The following RAF1 variants were observed in gnomAD, a reference collection of about 807,000 sequenced individuals.
RAF1 encodes the protein Raf-1 proto-oncogene, serine/threonine kinase.
RAF1 carries 27 observed loss-of-function variants against 81.1 expected under a neutral mutation model. That is an observed-to-expected ratio of 0.33 (90% CI 0.25 to 0.46). RAF1 has a LOEUF of 0.46. Among genes scored for constraint, RAF1 ranks in the 20% least tolerant of loss-of-function variants. RAF1 has a pLI of 1.00. For missense variants in RAF1, 598 were observed against 826.0 expected (o/e 0.72, Z 3.38); for synonymous variants, 298 against 294.0 (o/e 1.01, Z -0.14).
intron 15 of RAF1, 39 bp from the exon 15 acceptor site, chr3:12,585,292 C>T (rs1559399956): frequency 6.2e-7 from 1 of 1,612,412 alleles, no homozygotes; most frequent in Non-Finnish European, 8.5e-7. Flanking sequence ...CATTTATCAC[C>T]ATATGACAGG....
intron 11 of RAF1, 107 bp from the exon 11 acceptor site, chr3:12,591,899 A>C: frequency 1.1e-6 from 1 of 893,574 alleles, no homozygotes; most frequent in Non-Finnish European, 1.8e-6. Flanking sequence ...AGAATCACAT[A>C]CCTACACAGA....
At chr3:12,622,679 C>T (rs1410228242) in intron 1 of RAF1, among the ~76,000 whole-genome samples, 1 of 152,202 alleles carries the variant, frequency 6.6e-6, no homozygotes, top group African/African-American at 2.4e-5. Flanking sequence ...CCCTACCTTC[C>T]TTCTGCTCCA....
chr3:12,600,176 AGATACT>A lies in RAF1; in HGVS notation c.1020_1025del (p.Val341_Ser342del). The A allele has an allele frequency of 6.2e-7, 1 of 1,614,166 alleles. No individual in the cohort carries two copies. The highest frequency in any genetic ancestry group is 1.1e-5 in the South Asian group (1 of 91,090). On this transcript the variant is annotated inframe_deletion, in exon 10 of 18. Transcript: ENST00000442415. ...CAATTTTGTTTTTCTCCTGGGTCCC[AGATACT>A]GGTGCCCGCTCTCTTTGTGCTGGCA...
intron 1 of RAF1, among the ~76,000 whole-genome samples, chr3:12,626,578 G>A (rs557764503): frequency 8.6e-5 from 12 of 140,050 alleles, no homozygotes; most frequent in Admixed American, 6.2e-4. Flanking sequence ...GCGACAGACC[G>A]AGACCTTGTC....
At chr3:12,639,141 T>C (rs1404421064) in intron 1 of RAF1, among the ~76,000 whole-genome samples, 1 of 152,188 alleles carries the variant, frequency 6.6e-6, no homozygotes, top group East Asian at 1.9e-4. Flanking sequence ...TCTCAATAGA[T>C]GCAGAAAAGG....
intron 12 of RAF1, 100 bp downstream of exon 11, chr3:12,591,604 ACTGC>A: frequency 6.1e-6 from 6 of 984,302 alleles, no homozygotes; most frequent in Non-Finnish European, 9.7e-6. Flanking sequence ...GTGAGTCCTA[ACTGC>A]CTGCCCGTCC....
intron 15 of RAF1, 138 bp from the exon 15 acceptor site, chr3:12,585,391 G>A: frequency 6.5e-7 from 1 of 1,538,690 alleles, no homozygotes; most frequent in Non-Finnish European, 8.7e-7. Flanking sequence ...TCCCCCAAAG[G>A]ACTCCAACTC....
In RAF1 at chr3:12,608,850, T is replaced by G; in HGVS notation, c.497A>C (p.Gln166Pro). 1 of 1,614,212 alleles carries G rather than the reference T, an allele frequency of 6.2e-7. No individual in the cohort carries two copies. The highest frequency in any genetic ancestry group is 8.5e-7 in the Non-Finnish European group (1 of 1,180,022). The change falls in exon 5 of 18, where the codon CAG becomes CCG. Residue 166 changes from glutamine to proline, a missense_variant. Coordinates refer to ENST00000442415, the MANE Select transcript of RAF1 (RefSeq NM_001354689.3). ...CTCATGAAATTTGTAGCCACAAGTC[T>G]GACATCGAAATCCATTGAGCAGGAA...
intron 1 of RAF1, among the ~76,000 whole-genome samples, chr3:12,635,671 G>GA (rs1481940067): frequency 7.3e-6 from 1 of 136,282 alleles, no homozygotes; most frequent in Non-Finnish European, 1.5e-5. Flanking sequence ...GAGAGAGAGA[G>GA]ATTACTTTAT....
chr3:12,640,591 A>C (rs1321891226), intron 1 of RAF1, among the ~76,000 whole-genome samples: 4 of 152,228 alleles, frequency 2.6e-5, no homozygotes, highest in African/African-American at 9.6e-5. Flanking sequence ...AAAGACATTC[A>C]TGCAGACAAC....
chr3:12,647,808 C>A (rs1229288682), intron 1 of RAF1, among the ~76,000 whole-genome samples: 1 of 152,154 alleles, frequency 6.6e-6, no homozygotes, highest in African/African-American at 2.4e-5. Flanking sequence ...CAATTTCTGA[C>A]CACAAACTGG....
Position 12,584,244 on chromosome 3 carries a change from T to C in RAF1, c.*270A>G. ...TTTTTGTACTACCATCAACATCCAC[T>C]TGCGCATCTACAGAAGGCTGGGCCT... On this transcript the variant is annotated 3_prime_UTR_variant, in exon 18 of 18. Transcript: ENST00000442415. 2.0e-6 allele frequency: 1 copy of C among 511,106 alleles called. No individual in the cohort carries two copies. The highest frequency in any genetic ancestry group is 3.2e-5 in the Admixed American group (1 of 31,218). The allele number at this position is 511,106 out of a possible 1,614,324, so 31.7% of individuals were successfully genotyped here. A position where few individuals can be genotyped will look rare whatever the true frequency, so the allele number is the denominator to read the frequency against.
chr3:12,605,280 G>GTGTGTA (rs2058991056), intron 6 of RAF1, among the ~76,000 whole-genome samples: 1 of 151,540 alleles, frequency 6.6e-6, no homozygotes, highest in African/African-American at 2.4e-5. Context: ...GTGTGTGTGT[G>GTGTGTA]TGTATACATA....
chr3:12,598,985 T>C (rs1266521959), intron 11 of RAF1: 2 of 152,232 alleles, frequency 1.3e-5, no homozygotes, highest in African/African-American at 4.8e-5. Flanking sequence ...TTCAAGGAAA[T>C]ACCTATTATT....
At chr3:12,599,847 G>A (rs1163421383) in intron 10 of RAF1, 39 bp from the exon 10 acceptor site, 15 of 1,470,956 alleles carry the variant, frequency 1.0e-5, no homozygotes, top group Non-Finnish European at 1.4e-5. Context: ...TCCATGCAAT[G>A]GTAATAATCT....
At chr3:12,589,102 G>C (rs1341140214) in intron 13 of RAF1, 1 of 154,092 alleles carries the variant, frequency 6.5e-6, no homozygotes. Flanking sequence ...TTTTTGTACA[G>C]TCTGCAGAAC....
intron 1 of RAF1, among the ~76,000 whole-genome samples, chr3:12,663,286 G>C (rs2060940427): frequency 6.6e-6 from 1 of 152,160 alleles, no homozygotes; most frequent in Non-Finnish European, 1.5e-5. Context: ...CCAGAGTCCT[G>C]ATACCCAAGG....
rs886057919 is a variant in RAF1, at chr3:12,663,932, G to A, written c.-146C>T. On this transcript the variant is annotated 5_prime_UTR_variant, in exon 1 of 18. Transcript: ENST00000442415. Reference sequence around the variant, plus strand: ...CACATTCGGCGCGTCCCCAGCCCAGGGGACGGAGCCCCGAGCAGCCCCCGC... The same window carrying A: ...CACATTCGGCGCGTCCCCAGCCCAGAGGACGGAGCCCCGAGCAGCCCCCGC... 2.3e-5 allele frequency: 9 copies of A among 398,232 alleles called. No homozygotes were observed. The highest frequency in any genetic ancestry group is 4.0e-5 in the Non-Finnish European group (9 of 225,844). 24.7% of individuals were successfully genotyped at this position (398,232 alleles called of 1,614,324 possible).
intron 1 of RAF1, among the ~76,000 whole-genome samples, chr3:12,658,612 A>T (rs2060774892): frequency 6.6e-6 from 1 of 152,166 alleles, no homozygotes; most frequent in Admixed American, 6.6e-5. Context: ...CAAAAAAAAC[A>T]AAAAAAGAAA....
Sources: allele counts gnomAD v4.1 joint callset (sites outside exome capture counted in the v4.1 genomes callset), GRCh38; gene constraint gnomAD v4.1.1; transcripts MANE v1.5; gene names NCBI Gene and HGNC (gene_info 2026-07-23, HGNC 2026-07-21).